ELF1: variants seen among roughly 807,000 people sequenced by gnomAD.
ELF1 encodes ETS-related transcription factor Elf-1.
ELF1 carries 24 observed loss-of-function variants against 59.9 expected under a neutral mutation model. The observed-to-expected ratio is 0.40, with a 90% CI of 0.29 to 0.56. The LOEUF (loss-of-function observed/expected upper bound fraction) is 0.56, where lower values mean the gene tolerates loss of function less well. Among genes scored for constraint, ELF1 ranks in the 20% least tolerant of loss-of-function variants. The probability of loss-of-function intolerance (pLI) is 0.44; values close to 1 mark genes in which losing one functional copy is unlikely to be tolerated. For missense variants in ELF1, 627 were observed against 742.2 expected (o/e 0.84, Z 1.80); for synonymous variants, 248 against 266.2 (o/e 0.93, Z 0.67).
intron 1 of ELF1, among the ~76,000 whole-genome samples, chr13:41,036,081 G>T (rs564411275): frequency 8.9e-4 from 134 of 150,972 alleles, no homozygotes; most frequent in Non-Finnish European, 1.5e-3. Context: ...ATTTTTTTTT[G>T]TTGTTGTTGT....
chr13:41,001,204 T>C (rs1382963050), intron 1 of ELF1, among the ~76,000 whole-genome samples: 1 of 152,082 alleles, frequency 6.6e-6, no homozygotes. Context: ...CTTGAACTCA[T>C]GATCTCATGA....
At chr13:40,940,418 A>AAC (rs878999576) in intron 8 of ELF1, among the ~76,000 whole-genome samples, 1 of 140,662 alleles carries the variant, frequency 7.1e-6, no homozygotes, top group African/African-American at 2.8e-5. Flanking sequence ...AAAAAAAAAA[A>AAC]CAAACCTACT....
chr13:40,993,105 T>C, intron 1 of ELF1: 3 of 1,605,698 alleles, frequency 1.9e-6, no homozygotes, highest in Non-Finnish European at 2.6e-6. Context: ...GGGCAAGACT[T>C]CCTCTGCAGT....
At chr13:41,034,453 AAACTT>A (rs1566195512) in intron 1 of ELF1, among the ~76,000 whole-genome samples, 1 of 152,244 alleles carries the variant, frequency 6.6e-6, no homozygotes, top group East Asian at 1.9e-4. Context: ...ACTCTTTTCT[AAACTT>A]AAGATCATTT....
intron 1 of ELF1, among the ~76,000 whole-genome samples, chr13:41,040,159 A>ATTC (rs1317577326): frequency 6.6e-6 from 1 of 152,196 alleles, no homozygotes; most frequent in Non-Finnish European, 1.5e-5. Flanking sequence ...CTTGGGATTT[A>ATTC]TTCTAACAAA....
rs560464407 is a variant in ELF1, at chr13:41,008,156, C to T, written c.-229+11072G>A. On this transcript the variant is annotated intron_variant, in intron 1 of 8. Transcript: ENST00000239882. ...TAAAATTGGAGGTACAAATAAAGTACTACTTCTGGCATAAACAGAAATAGC... is the reference window on the plus strand; with the variant it reads ...TAAAATTGGAGGTACAAATAAAGTATTACTTCTGGCATAAACAGAAATAGC... Among the ~76,000 whole-genome samples, 5 of 152,294 alleles carry T rather than the reference C, an allele frequency of 3.3e-5. No homozygotes were observed. The South Asian group carries it at 1.0e-3, about 32-fold the overall frequency.
intron 1 of ELF1, among the ~76,000 whole-genome samples, chr13:41,018,211 CA>C (rs1379572213): frequency 6.6e-6 from 1 of 152,128 alleles, no homozygotes; most frequent in East Asian, 1.9e-4. Flanking sequence ...AAATATGTTT[CA>C]GAAATAAAAT....
rs1367416998 is a variant in ELF1 at position 41,041,061 on chromosome 13, C to A, written c.-229+19777G>T. The stretch of plus-strand genomic sequence containing the variant: ...ATATGAAACCTGAATGTTAAGCAGC[C>A]AGTCATGTAAAGAGGCTGAGGAAGC... On this transcript the variant is annotated intron_variant, in intron 1 of 1. Transcript: ENST00000405737. Among the ~76,000 whole-genome samples, 4 of 151,914 alleles carry A rather than the reference C, an allele frequency of 2.6e-5. No homozygotes were observed. The East Asian group carries it at 5.8e-4, about 22-fold the overall frequency.
In ELF1 at chr13:41,019,220, C is replaced by T. The variant is rs574745292; in HGVS notation, c.-229+8G>A. On this transcript the variant is annotated splice_region_variant and intron_variant, in intron 1 of 8. Coordinates refer to ENST00000239882, the MANE Select transcript of ELF1 (RefSeq NM_172373.4). Reference sequence around the variant, plus strand: ...CAGAAGCAAACATACAAAATTGTAACAAGTTACCTTCAAGTATTCTTTCTC... The same window carrying T: ...CAGAAGCAAACATACAAAATTGTAATAAGTTACCTTCAAGTATTCTTTCTC... 1.0e-6 allele frequency: 1 copy of T among 985,406 alleles called. No homozygotes were observed. Among genetic ancestry groups the T allele is most frequent in the Admixed American group, 6.1e-5 (1 of 16,284 alleles). 61.0% of individuals were successfully genotyped at this position (985,406 alleles called of 1,614,324 possible). A position where few individuals can be genotyped will look rare whatever the true frequency, so the allele number is the denominator to read the frequency against.
At position 41,060,914 on chromosome 13, in the gene ELF1, T is replaced by TGCTGCCGCTGCCGCCGCC. The variant is rs878930377; in HGVS notation, c.-306_-305insGGCGGCGGCAGCGGCAGC. ...GCCTCTGCGCTACTGAAGCTGCTGC[T>TGCTGCCGCTGCCGCCGCC]GCCGCCGCCGCCGCCGCCGCCGCCG... On this transcript the variant is annotated 5_prime_UTR_variant, in exon 1 of 2. Transcript: ENST00000405737. 1.2e-3 allele frequency: 416 copies of TGCTGCCGCTGCCGCCGCC among 345,004 alleles called. 19 individuals carry two copies. Among genetic ancestry groups the TGCTGCCGCTGCCGCCGCC allele is most frequent in the African/African-American group, 8.3e-3 (364 of 44,094 alleles). The allele number at this position is 345,004 out of a possible 1,614,324, so 21.4% of individuals were successfully genotyped here.
intron 5 of ELF1, among the ~76,000 whole-genome samples, chr13:40,946,457 G>C (rs1870515338): frequency 6.6e-6 from 1 of 152,112 alleles, no homozygotes; most frequent in African/African-American, 2.4e-5. Flanking sequence ...TGTCATTATA[G>C]ATTAGTTGGT....
intron 1 of ELF1, among the ~76,000 whole-genome samples, chr13:41,057,025 G>A (rs1877310141): frequency 6.6e-6 from 1 of 152,180 alleles, no homozygotes; most frequent in Admixed American, 6.5e-5. Flanking sequence ...TCCAGATAAT[G>A]TTGGACCTAT....
intron 1 of ELF1, chr13:40,982,774 T>A: frequency 3.1e-6 from 2 of 637,130 alleles, no homozygotes; most frequent in Non-Finnish European, 3.9e-6. Context: ...TATTTTTAAA[T>A]CTTTTAAAAA....
At chr13:40,993,778 C>A (rs1316323584) in intron 1 of ELF1, among the ~76,000 whole-genome samples, 1 of 152,074 alleles carries the variant, frequency 6.6e-6, no homozygotes, top group Non-Finnish European at 1.5e-5. Flanking sequence ...AAACACTGCA[C>A]CTGGCCGGGT....
chr13:40,964,094 T>G (rs923649396), intron 2 of ELF1, among the ~76,000 whole-genome samples: 1 of 152,140 alleles, frequency 6.6e-6, no homozygotes, highest in Non-Finnish European at 1.5e-5. Context: ...ATGAACTGCT[T>G]TGTAAACTGG....
chr13:40,940,386 GAAAAAAAAAAAAAAAAAAAA>G (rs375400990), intron 8 of ELF1, among the ~76,000 whole-genome samples: 1 of 109,896 alleles, frequency 9.1e-6, no homozygotes, highest in South Asian at 2.9e-4. Flanking sequence ...TGATTTAACT[GAAAAAAAAAAAAAAAAAAAA>G]AAAAAAAAAA....
intron 1 of ELF1, among the ~76,000 whole-genome samples, chr13:41,051,407 CCTTT>C (rs909468027): frequency 4.6e-5 from 7 of 152,144 alleles, no homozygotes; most frequent in African/African-American, 1.7e-4. Flanking sequence ...CTGTACCCTT[CCTTT>C]CTATTTCAGC....
At chr13:41,035,804 C>T (rs184633839) in intron 1 of ELF1, among the ~76,000 whole-genome samples, 2 of 150,526 alleles carry the variant, frequency 1.3e-5, no homozygotes, top group Admixed American at 1.3e-4. Context: ...TCTTCTGTCC[C>T]TTTCAGGCCT....
intron 5 of ELF1, among the ~76,000 whole-genome samples, chr13:40,946,428 C>G (rs1870513416): frequency 6.6e-6 from 1 of 152,208 alleles, no homozygotes; most frequent in South Asian, 2.1e-4. Flanking sequence ...AATCCACAGG[C>G]AACCACTCAT....
Sources: gnomAD v4.1 joint callset for allele counts (sites outside exome capture counted in the v4.1 genomes callset) on GRCh38, gnomAD v4.1.1 for gene constraint, MANE v1.5 for transcripts, NCBI Gene and HGNC (gene_info 2026-07-23, HGNC 2026-07-21) for gene names.